TTC7B: variants seen among roughly 807,000 people sequenced by gnomAD.
TTC7B encodes the protein tetratricopeptide repeat domain 7B, also known as tetratricopeptide repeat protein 7B.
A neutral mutation model predicts 106.8 loss-of-function variants in TTC7B; 28 were observed. The observed-to-expected ratio is 0.26, with a 90% CI of 0.19 to 0.36. TTC7B has a LOEUF of 0.36. Among genes scored for constraint, TTC7B ranks in the 10% least tolerant of loss-of-function variants. The probability of loss-of-function intolerance (pLI) is 1.00; values close to 1 mark genes in which losing one functional copy is unlikely to be tolerated. For missense variants in TTC7B, 862 were observed against 1,076.4 expected (o/e 0.80, Z 2.79); for synonymous variants, 405 against 430.6 (o/e 0.94, Z 0.74).
chr14:90,717,586 C>G (rs1888706982), intron 5 of TTC7B, among the ~76,000 whole-genome samples: 1 of 152,140 alleles, frequency 6.6e-6, no homozygotes, highest in South Asian at 2.1e-4. Context: ...ATGTCTCAGT[C>G]ATTTTCTGGG....
Position 90,785,239 on chromosome 14 carries a change from C to T in TTC7B, c.276+935G>A, listed in dbSNP as rs140731892. 3.7e-3 allele frequency among the ~76,000 whole-genome samples: 557 copies of T among 152,014 alleles called. 7 individuals are homozygous for T. The highest frequency in any genetic ancestry group is 0.035 in the East Asian group (183 of 5,162). ...TAAAGCCAAAGAAAGCATGGCTTCC[C>T]GGGGGGAAGCGTGCACACACAAACA... On this transcript the variant is annotated intron_variant, in intron 2 of 19. Coordinates refer to ENST00000328459, the MANE Select transcript of TTC7B (RefSeq NM_001010854.2).
chr14:90,687,473 C>T lies in TTC7B; in HGVS notation c.950+2067G>A, dbSNP rs555594733. 4.6e-5 allele frequency among the ~76,000 whole-genome samples: 7 copies of T among 152,184 alleles called. No individual in the cohort carries two copies. The South Asian group carries it at 1.5e-3, about 32-fold the overall frequency. ...GGGTGAGGCCATACTGGATGGCACC[C>T]AAAGAGACACAGAGCTCTGGCCATG... On this transcript the variant is annotated intron_variant, in intron 7 of 19. Coordinates refer to ENST00000328459, the MANE Select transcript of TTC7B (RefSeq NM_001010854.2).
rs141943058 is a variant in TTC7B, at chr14:90,654,662, C to A, written c.1459+331G>T. Among the ~76,000 whole-genome samples, 57 of 152,284 alleles carry A rather than the reference C, an allele frequency of 3.7e-4. 2 individuals carry two copies. The East Asian group carries it at 9.7e-3, about 26-fold the overall frequency. ...CCAGCATCCCTTCACACAGGACAGC[C>A]CAGACCAAGTGGTGGGACAGGGGCA... On this transcript the variant is annotated intron_variant, in intron 12 of 19. Transcript: ENST00000328459.
intron 3 of TTC7B, among the ~76,000 whole-genome samples, chr14:90,768,303 G>C (rs1361910676): frequency 2.6e-5 from 4 of 152,176 alleles, no homozygotes; most frequent in African/African-American, 7.2e-5. Context: ...GACCTCAGGA[G>C]ACTTACAATC....
Position 90,559,775 on chromosome 14 carries a change from C to G in TTC7B, c.2311-18186G>C, listed in dbSNP as rs148005621. Among the ~76,000 whole-genome samples, 27 of 152,360 alleles carry G rather than the reference C, an allele frequency of 1.8e-4. No homozygotes were observed. In the East Asian group the frequency reaches 5.0e-3, roughly 28 times the overall value. On this transcript the variant is annotated intron_variant, in intron 19 of 19. Coordinates refer to ENST00000328459, the MANE Select transcript of TTC7B (RefSeq NM_001010854.2). ...GCAGGTGCTAAGAACCGTGTTGAAC[C>G]TGTATGACAGTGCTGCTAGGTTGGA...
At chr14:90,751,820 A>G (rs1890146389) in intron 3 of TTC7B, among the ~76,000 whole-genome samples, 1 of 152,160 alleles carries the variant, frequency 6.6e-6, no homozygotes, top group Non-Finnish European at 1.5e-5. Context: ...GGTCCTGTTC[A>G]ATAGGTACTA....
intron 1 of TTC7B, among the ~76,000 whole-genome samples, chr14:90,799,068 G>A (rs2030077157): frequency 6.6e-6 from 1 of 152,090 alleles, no homozygotes; most frequent in Non-Finnish European, 1.5e-5. Context: ...TTTTACATCT[G>A]CGATCACTAC....
At chr14:90,714,861 T>C (rs751632113) in intron 5 of TTC7B, among the ~76,000 whole-genome samples, 1 of 152,248 alleles carries the variant, frequency 6.6e-6, no homozygotes, top group African/African-American at 2.4e-5. Flanking sequence ...GCTTCCTCTA[T>C]GACAATTCCT....
At chr14:90,666,241 A>G (rs1475900469) in intron 9 of TTC7B, among the ~76,000 whole-genome samples, 2 of 152,172 alleles carry the variant, frequency 1.3e-5, no homozygotes, top group African/African-American at 4.8e-5. Flanking sequence ...GGCTCACTGC[A>G]ACCTCCACCT....
chr14:90,760,330 T>C (rs905863371), intron 3 of TTC7B, among the ~76,000 whole-genome samples: 1 of 152,158 alleles, frequency 6.6e-6, no homozygotes, highest in African/African-American at 2.4e-5. Context: ...CTGCCAAGAC[T>C]AGGACATATC....
chr14:90,694,617 ATATATGT>A, intron 6 of TTC7B, among the ~76,000 whole-genome samples: 2 of 147,780 alleles, frequency 1.4e-5, no homozygotes, highest in Middle Eastern at 7.1e-3. Context: ...TATATGTATA[ATATATGT>A]CACATATATT....
chr14:90,553,994 C>T (rs1017337458), intron 19 of TTC7B, among the ~76,000 whole-genome samples: 2 of 152,236 alleles, frequency 1.3e-5, no homozygotes, highest in African/African-American at 4.8e-5. Flanking sequence ...AGGCAGTAAA[C>T]GCCAGCACCT....
intron 5 of TTC7B, among the ~76,000 whole-genome samples, chr14:90,711,476 C>A (rs1888443935): frequency 6.6e-6 from 1 of 152,172 alleles, no homozygotes; most frequent in South Asian, 2.1e-4. Flanking sequence ...GGCTGGAGTG[C>A]ACTGGTGCAA....
intron 17 of TTC7B, 75 bp downstream of exon 17, chr14:90,610,667 A>G (rs1892832298): frequency 9.2e-7 from 1 of 1,088,226 alleles, no homozygotes; most frequent in Admixed American, 1.7e-5. Context: ...GATCAGTCTC[A>G]TCCCATGTCA....
chr14:90,547,110 G>C (rs1889871017), intron 19 of TTC7B, among the ~76,000 whole-genome samples: 1 of 152,240 alleles, frequency 6.6e-6, no homozygotes, highest in Non-Finnish European at 1.5e-5. Context: ...CTGAGCTTCA[G>C]AGAGCTGGGA....
At chr14:90,731,622 C>A (rs1889333171) in intron 4 of TTC7B, among the ~76,000 whole-genome samples, 1 of 152,182 alleles carries the variant, frequency 6.6e-6, no homozygotes, top group Non-Finnish European at 1.5e-5. Context: ...AGCTCTGCAC[C>A]CCTGACTCTC....
intron 19 of TTC7B, among the ~76,000 whole-genome samples, chr14:90,542,466 C>G (rs1889641730): frequency 1.3e-5 from 2 of 152,132 alleles, no homozygotes; most frequent in Non-Finnish European, 2.9e-5. Context: ...CTGCGCACCT[C>G]TATAAGCGAT....
intron 3 of TTC7B, among the ~76,000 whole-genome samples, chr14:90,754,573 A>G (rs964328689): frequency 5.3e-5 from 8 of 152,226 alleles, no homozygotes; most frequent in Non-Finnish European, 8.8e-5. Context: ...TATATATTAA[A>G]TAACAGCTTG....
chr14:90,763,940 C>T (rs6575151), intron 3 of TTC7B, among the ~76,000 whole-genome samples: 41,814 of 152,006 alleles, frequency 0.28, 9,484 homozygotes, highest in African/African-American at 0.63. Context: ...ACAATCCCTA[C>T]CAAGAATTAT....
Sources: allele counts gnomAD v4.1 joint callset (sites outside exome capture counted in the v4.1 genomes callset), GRCh38; gene constraint gnomAD v4.1.1; transcripts MANE v1.5; gene names NCBI Gene and HGNC (gene_info 2026-07-23, HGNC 2026-07-21).